Variants in CRPPA observed in about 807,000 individuals in gnomAD.
CRPPA encodes CDP-L-ribitol pyrophosphorylase A.
A neutral mutation model predicts 52.0 loss-of-function variants in CRPPA; 43 were observed. That is an observed-to-expected ratio of 0.83 (90% CI 0.65 to 1.07). The LOEUF (loss-of-function observed/expected upper bound fraction) is 1.07. CRPPA is among the 50% of genes least tolerant of loss of function. The probability of loss-of-function intolerance (pLI) is 0.00; values close to 1 mark genes in which losing one functional copy is unlikely to be tolerated. For missense variants in CRPPA, 629 were observed against 551.7 expected (o/e 1.14, Z -1.40); for synonymous variants, 250 against 203.5 (o/e 1.23, Z -1.94).
intron 9 of CRPPA, among the ~76,000 whole-genome samples, chr7:16,135,362 G>A (rs909957336): frequency 3.3e-5 from 5 of 152,108 alleles, no homozygotes; most frequent in African/African-American, 9.7e-5. Context: ...TACATAAACT[G>A]TATATTGAGC....
chr7:16,194,972 A>C (rs1455369445), intron 9 of CRPPA, among the ~76,000 whole-genome samples: 1 of 151,982 alleles, frequency 6.6e-6, no homozygotes, highest in African/African-American at 2.4e-5. Flanking sequence ...ACAATTCCCC[A>C]GATCATTCTG....
At chr7:16,173,512 T>G (rs147005590) in intron 9 of CRPPA, among the ~76,000 whole-genome samples, 12 of 152,298 alleles carry the variant, frequency 7.9e-5, no homozygotes, top group African/African-American at 2.9e-4. Context: ...TGTTACTCTT[T>G]GCAACCTACT....
intron 9 of CRPPA, among the ~76,000 whole-genome samples, chr7:16,161,418 C>A (rs1313564029): frequency 2.0e-5 from 3 of 152,102 alleles, no homozygotes; most frequent in Non-Finnish European, 4.4e-5. Flanking sequence ...TGTCGAAGGC[C>A]TTTTCTGCAT....
At chr7:16,370,316 A>T (rs1039871316) in intron 3 of CRPPA, among the ~76,000 whole-genome samples, 1 of 152,214 alleles carries the variant, frequency 6.6e-6, no homozygotes, top group African/African-American at 2.4e-5. Context: ...ATGGCCTGAA[A>T]GCCATAGTTG....
Position 16,202,096 on chromosome 7 carries a change from G to A in CRPPA, c.1251+13970C>T, listed in dbSNP as rs75267016. Among the ~76,000 whole-genome samples the A allele has an allele frequency of 1.6e-4, 24 of 152,200 alleles. No individual in the cohort carries two copies. The East Asian group carries it at 4.7e-3, about 30-fold the overall frequency. On this transcript the variant is annotated intron_variant, in intron 9 of 9. Coordinates refer to ENST00000407010, the MANE Select transcript of CRPPA (RefSeq NM_001101426.4). Reference sequence around the variant, plus strand: ...TAATCACATCTCCTCTCCAACTATAGAGATGATGTCACTAGCTTTTAATTT... The same window carrying A: ...TAATCACATCTCCTCTCCAACTATAAAGATGATGTCACTAGCTTTTAATTT...
At chr7:16,256,054 G>T (rs936112599) in intron 8 of CRPPA, among the ~76,000 whole-genome samples, 5 of 152,148 alleles carry the variant, frequency 3.3e-5, no homozygotes, top group Non-Finnish European at 5.9e-5. Flanking sequence ...TCTGACAAAG[G>T]TCGAATATCC....
chr7:16,227,816 C>G (rs1393419650), intron 8 of CRPPA, among the ~76,000 whole-genome samples: 2 of 151,804 alleles, frequency 1.3e-5, no homozygotes, highest in Non-Finnish European at 2.9e-5. Context: ...TAAGTCATTG[C>G]CCAGATCAAT....
chr7:16,222,881 A>G (rs1195676926), intron 8 of CRPPA, among the ~76,000 whole-genome samples: 9 of 152,210 alleles, frequency 5.9e-5, no homozygotes, highest in Non-Finnish European at 1.5e-5. Context: ...TAGAATGTGT[A>G]TTGATCAAGT....
chr7:16,120,034 C>A (rs1782451571), intron 9 of CRPPA, among the ~76,000 whole-genome samples: 1 of 152,038 alleles, frequency 6.6e-6, no homozygotes, highest in African/African-American at 2.4e-5. Flanking sequence ...AAGGAACAGA[C>A]ACATTTTATA....
At chr7:16,399,807 A>G (rs115562981) in intron 2 of CRPPA, among the ~76,000 whole-genome samples, 3,006 of 152,322 alleles carry the variant, frequency 0.02, 95 homozygotes, top group African/African-American at 0.069. Context: ...CACGTGACTG[A>G]CACTTGATCG....
At chr7:16,292,351 T>A (rs1413406858) in intron 5 of CRPPA, among the ~76,000 whole-genome samples, 1 of 151,924 alleles carries the variant, frequency 6.6e-6, no homozygotes, top group Non-Finnish European at 1.5e-5. Context: ...GCAGGACTCT[T>A]CAATGCTATA....
At chr7:16,403,570 G>C (rs1346891741) in intron 2 of CRPPA, among the ~76,000 whole-genome samples, 1 of 152,020 alleles carries the variant, frequency 6.6e-6, no homozygotes, top group East Asian at 1.9e-4. Context: ...ATCAGTTAAG[G>C]AGTCTGTAGA....
At position 16,207,848 on chromosome 7, in the gene CRPPA, G is replaced by C. The variant is rs183046450; in HGVS notation, c.1251+8218C>G. Among the ~76,000 whole-genome samples the C allele has an allele frequency of 6.6e-5, 10 of 152,276 alleles. No homozygotes were observed. The South Asian group carries it at 1.2e-3, about 19-fold the overall frequency. Reference sequence around the variant, plus strand: ...CTGAGTAAATAGTTATAGGAAATCAGATCAATATCAATGAAGTATATCAGT... The same window carrying C: ...CTGAGTAAATAGTTATAGGAAATCACATCAATATCAATGAAGTATATCAGT... On this transcript the variant is annotated intron_variant, in intron 9 of 9. Coordinates refer to ENST00000407010, the MANE Select transcript of CRPPA (RefSeq NM_001101426.4).
chr7:16,332,830 T>C (rs557059874), intron 3 of CRPPA, among the ~76,000 whole-genome samples: 2 of 152,104 alleles, frequency 1.3e-5, no homozygotes, highest in East Asian at 3.9e-4. Flanking sequence ...GATCTAAATA[T>C]ACCAATTAAG....
intron 8 of CRPPA, among the ~76,000 whole-genome samples, chr7:16,253,827 CAAT>C (rs1193643868): frequency 6.6e-6 from 1 of 152,030 alleles, no homozygotes; most frequent in Admixed American, 6.6e-5. Flanking sequence ...AAAATTTTTG[CAAT>C]CTACCCATCT....
intron 8 of CRPPA, among the ~76,000 whole-genome samples, 173 bp downstream of exon 8, chr7:16,258,217 A>G (rs1035369574): frequency 1.3e-5 from 2 of 152,110 alleles, no homozygotes; most frequent in African/African-American, 4.8e-5. Context: ...GCAATAATAA[A>G]GGCATTCAGT....
intron 9 of CRPPA, among the ~76,000 whole-genome samples, chr7:16,107,136 C>T (rs148817684): frequency 2.1e-4 from 32 of 151,682 alleles, no homozygotes; most frequent in South Asian, 6.2e-4. Context: ...AGCAAAGGAC[C>T]GAACATTCAC....
chr7:16,356,930 C>T (rs1341470104), intron 3 of CRPPA, among the ~76,000 whole-genome samples: 2 of 152,120 alleles, frequency 1.3e-5, no homozygotes, highest in Non-Finnish European at 2.9e-5. Flanking sequence ...GTGGTCTTCA[C>T]TCCTAAAATG....
In CRPPA at chr7:16,087,574, A is replaced by G. The variant is rs1781721773; in HGVS notation, c.*4121T>C. The G allele has an allele frequency of 6.6e-6, 1 of 151,900 alleles. No individual in the cohort carries two copies. Among genetic ancestry groups the G allele is most frequent in the African/African-American group, 2.4e-5 (1 of 41,428 alleles). 9.4% of individuals were successfully genotyped at this position (151,900 alleles called of 1,614,324 possible). A position where few individuals can be genotyped will look rare whatever the true frequency, so the allele number is the denominator to read the frequency against. On this transcript the variant is annotated 3_prime_UTR_variant, in exon 10 of 10. Transcript: ENST00000407010. ...TTACATTTTGTTTTGTAAAAACAAC[A>G]TATTTAGAATCTTTATAGTACTTTT...
Sources: gnomAD v4.1 joint callset for allele counts (sites outside exome capture counted in the v4.1 genomes callset) on GRCh38, gnomAD v4.1.1 for gene constraint, MANE v1.5 for transcripts, NCBI Gene and HGNC (gene_info 2026-07-23, HGNC 2026-07-21) for gene names.